The following WIZ variants were observed in gnomAD, a reference collection of about 807,000 sequenced individuals.
The protein encoded by WIZ is protein Wiz.
A neutral mutation model predicts 140.2 loss-of-function variants in WIZ; 25 were observed. That is an observed-to-expected ratio of 0.18 (90% CI 0.13 to 0.25). The LOEUF is 0.25. Ranked by LOEUF, WIZ falls within the 10% of genes least tolerant of loss-of-function variation. The pLI is 1.00. For missense variants in WIZ, 2,231 were observed against 2,632.6 expected, an observed-to-expected ratio of 0.85 and a Z score of 3.34; for synonymous variants, 1,125 against 1,154.3, an observed-to-expected ratio of 0.97 and a Z score of 0.51.
At position 15,440,422 on chromosome 19, in the gene WIZ, T is replaced by C. The variant is rs1398287199; in HGVS notation, c.572A>G (p.Asp191Gly). ...RPRFDWLQDE[D>G]EQGSPQDAGL... ...TGCGTCCTGGGGGGATCCCTGCTCG[T>C]CCTCATCTTGGAGCCAGTCGAACCT... is the stretch of plus-strand genomic sequence containing the variant. Residue 191 changes from aspartate to glycine, a missense_variant, in exon 4 of 13, where the codon GAC becomes GGC. Physicochemically the swap from Asp to Gly is moderately conservative, Grantham distance 94. This residue lies in a region of WIZ where 307 missense variants were observed against 294.1 expected (regional missense o/e 1.04). Coordinates refer to ENST00000673675, the MANE Select transcript of WIZ (RefSeq NM_001371589.1). This position sits in a 1 kb window ranked among gnomAD's most constrained non-coding sequence, Gnocchi z 6.2. 5.2e-6 allele frequency: 8 copies of C among 1,536,010 alleles called. No homozygotes were observed. In the Admixed American group the frequency reaches 1.4e-4, roughly 26 times the overall value.
At chr19:15,448,851 T>A (rs984948477) in intron 1 of WIZ, among the ~76,000 whole-genome samples, 7 of 151,994 alleles carry the variant, frequency 4.6e-5, no homozygotes, top group Non-Finnish European at 1.0e-4. Flanking sequence ...CCTTTACTTT[T>A]CTCCATTGGG....
In WIZ at chr19:15,436,992, C is replaced by T. The variant is rs1432627720; in HGVS notation, c.2554G>A (p.Val852Ile). The T allele has an allele frequency of 6.2e-7, 1 of 1,613,800 alleles. No homozygotes were observed. Among genetic ancestry groups the T allele is most frequent in the East Asian group, 2.2e-5 (1 of 44,832 alleles). The change falls in exon 5 of 13, where the codon GTC (valine) becomes ATC (isoleucine). Residue 852 changes from valine to isoleucine, a missense_variant. By Grantham distance (29) the Val-to-Ile change is conservative. This residue lies in a region of WIZ where 118 missense variants were observed against 209.1 expected (regional missense o/e 0.56). Coordinates refer to ENST00000673675, the MANE Select transcript of WIZ (RefSeq NM_001371589.1). ...DFGITNWELT[V>I]SPINILQELL... The stretch of plus-strand genomic sequence containing the variant: ...TCCTGCAGGATGTTGATGGGTGAGA[C>T]AGTGAGCTCCCAGTTGGTGATACCG...
chr19:15,445,962 T>C (rs570811099), intron 2 of WIZ, among the ~76,000 whole-genome samples: 2 of 152,072 alleles, frequency 1.3e-5, no homozygotes, highest in South Asian at 2.1e-4. Context: ...ACAAGACTAG[T>C]AGGGCAGGTG....
Position 15,439,005 on chromosome 19 carries a change from C to G in WIZ, c.1989G>C (p.Glu663Asp), listed in dbSNP as rs960999404. ...GGGTGGCCTCTACTGCCTGCAGGGCCTCTCGGAATGCCTGCTTCAGCTCCA... is the reference window on the plus strand; with the variant it reads ...GGGTGGCCTCTACTGCCTGCAGGGCGTCTCGGAATGCCTGCTTCAGCTCCA... ...AALELKQAFR[E>D]ALQAVEATQG... The change falls in exon 4 of 13, where the codon GAG (glutamate) becomes GAC (aspartate). Residue 663 changes from glutamate (E) to aspartate (D), a missense_variant. By Grantham distance (45) the Glu-to-Asp change is conservative. This residue lies in a region of WIZ where 475 missense variants were observed against 520.2 expected (regional missense o/e 0.91). Coordinates refer to ENST00000673675, the MANE Select transcript of WIZ (RefSeq NM_001371589.1). The surrounding 1 kb of genome is among the most constrained non-coding windows in gnomAD (Gnocchi z 7.0). The G allele has an allele frequency of 2.7e-6, 4 of 1,490,270 alleles. No homozygotes were observed. Among genetic ancestry groups the G allele is most frequent in the Non-Finnish European group, 2.7e-6 (3 of 1,123,492 alleles). 92.3% of individuals were successfully genotyped at this position (1,490,270 alleles called of 1,614,324 possible). A position where few individuals can be genotyped will look rare whatever the true frequency, so the allele number is the denominator to read the frequency against.
At chr19:15,444,155 A>T (rs1304718471) in intron 2 of WIZ, among the ~76,000 whole-genome samples, 1 of 152,204 alleles carries the variant, frequency 6.6e-6, no homozygotes, top group Admixed American at 6.5e-5. Context: ...AGAAAAAGGG[A>T]TAGGGCTGGG....
Position 15,422,929 on chromosome 19 carries a change from T to C in WIZ, c.*147A>G. The C allele has an allele frequency of 8.1e-7, 1 of 1,230,054 alleles. No homozygotes were observed. The highest frequency in any genetic ancestry group is 1.6e-5 in the South Asian group (1 of 62,956). The allele number at this position is 1,230,054 out of a possible 1,614,324, so 76.2% of individuals were successfully genotyped here. On this transcript the variant is annotated 3_prime_UTR_variant, in exon 13 of 13. Coordinates refer to ENST00000673675, the MANE Select transcript of WIZ (RefSeq NM_001371589.1). ...TAGCTGGCTCCCGGCGCCCTGGCTG[T>C]AGTGTGCCCGGCCCCCAAGGGGCGC... is the stretch of plus-strand genomic sequence containing the variant.
chr19:15,425,331 G>C lies in WIZ; in HGVS notation c.4804C>G (p.Leu1602Val). 6.4e-7 allele frequency: 1 copy of C among 1,569,930 alleles called. No individual in the cohort carries two copies. ...AAKRPLQEDR[L>V]LPAEVKAKTY... ...TTGGCCTTGACCTCTGCTGGGAGGAGGCGGTCCTCCTGCAGGGGCCGCTTG... is the reference window on the plus strand; with the variant it reads ...TTGGCCTTGACCTCTGCTGGGAGGACGCGGTCCTCCTGCAGGGGCCGCTTG... The change falls in exon 10 of 13, where the codon CTC becomes GTC. Residue 1602 changes from leucine to valine, a missense_variant. Transcript: ENST00000673675.
chr19:15,436,726 G>T, intron 5 of WIZ, 80 bp downstream of exon 5: 1 of 1,376,874 alleles, frequency 7.3e-7, no homozygotes, highest in Non-Finnish European at 9.5e-7. Flanking sequence ...CTGAGCGGCT[G>T]CCCCTCCAGC....
chr19:15,425,787 A>T lies in WIZ; in HGVS notation c.4367-19T>A. Reference sequence around the variant, plus strand: ...CGGGACGCTGCAGGGGATCCAGGGTAGGGGGAAGGAGGAGGAGGAGGAGGA... The same window carrying T: ...CGGGACGCTGCAGGGGATCCAGGGTTGGGGGAAGGAGGAGGAGGAGGAGGA... On this transcript the variant is annotated intron_variant, in intron 9 of 12. Transcript: ENST00000673675. 7.4e-6 allele frequency: 8 copies of T among 1,082,868 alleles called. No individual in the cohort carries two copies. The highest frequency in any genetic ancestry group is 7.1e-5 in the East Asian group (1 of 14,056). The allele number at this position is 1,082,868 out of a possible 1,614,324, so 67.1% of individuals were successfully genotyped here.
At chr19:15,444,405 A>G (rs1316913761) in intron 2 of WIZ, among the ~76,000 whole-genome samples, 1 of 152,146 alleles carries the variant, frequency 6.6e-6, no homozygotes, top group Admixed American at 6.5e-5. Context: ...AGGTGTCTCA[A>G]CATCAGCACC....
At chr19:15,435,303 G>A (rs752689731) in intron 5 of WIZ, among the ~76,000 whole-genome samples, 1 of 151,882 alleles carries the variant, frequency 6.6e-6, no homozygotes, top group Non-Finnish European at 1.5e-5. Flanking sequence ...GATTTAACAC[G>A]TTAAAATCTT....
At chr19:15,432,426 GCT>G (rs371704128) in intron 5 of WIZ, 66,222 of 984,550 alleles carry the variant, frequency 0.067, 2,405 homozygotes, top group Non-Finnish European at 0.072. Flanking sequence ...CCAAGCGCGG[GCT>G]CTTACCGGGC....
Position 15,435,197 on chromosome 19 carries a change from G to A in WIZ, c.2740+1609C>T, listed in dbSNP as rs181832022. Reference sequence around the variant, plus strand: ...GGCACCACTGCACTCCAGCCTGGGCGACAGAGTGAGACTCTGCCTCAAACC... The same window carrying A: ...GGCACCACTGCACTCCAGCCTGGGCAACAGAGTGAGACTCTGCCTCAAACC... On this transcript the variant is annotated intron_variant, in intron 5 of 12. Transcript: ENST00000673675. Among the ~76,000 whole-genome samples, 218 of 152,138 alleles carry A rather than the reference G, an allele frequency of 1.4e-3. 5 individuals carry two copies. The highest frequency in any genetic ancestry group is 4.9e-3 in the African/African-American group (205 of 41,514).
Position 15,440,367 on chromosome 19 carries a change from C to A in WIZ, c.627G>T (p.Pro209=). The A allele has an allele frequency of 6.5e-7, 1 of 1,530,904 alleles. No individual in the cohort carries two copies. The highest frequency in any genetic ancestry group is 8.7e-7 in the Non-Finnish European group (1 of 1,143,100). 94.8% of individuals were successfully genotyped at this position (1,530,904 alleles called of 1,614,324 possible). Residue 209 remains proline, a synonymous_variant, in exon 4 of 13, where the codon CCG becomes CCT. Transcript: ENST00000673675. The surrounding 1 kb of genome is among the most constrained non-coding windows in gnomAD (Gnocchi z 6.2). ...CCCTCCTGAAGGGGGCGAGGGGTGGCGGCTGGGCAGGCAGGTCCAAGTGCA... is the reference window on the plus strand; with the variant it reads ...CCCTCCTGAAGGGGGCGAGGGGTGGAGGCTGGGCAGGCAGGTCCAAGTGCA... ...AGLHLDLPAQ[P]PPLAPFRRVF...
intron 10 of WIZ, 75 bp downstream of exon 10, chr19:15,425,166 T>G (rs745684562): frequency 1.9e-6 from 3 of 1,541,744 alleles, no homozygotes; most frequent in Non-Finnish European, 2.6e-6. Flanking sequence ...GGGGTCAGTG[T>G]GCACGCTTGT....
At position 15,428,525 on chromosome 19, in the gene WIZ, CAGG is replaced by C. The variant is rs1775711952; in HGVS notation, c.3416-20_3416-18del. ...TATCTAAAGCTGCGGAGACAAAACA[CAGG>C]GGGGGTTCACGGCCGCCACCTTGGC... On this transcript the variant is annotated intron_variant, in intron 7 of 12. Coordinates refer to ENST00000673675, the MANE Select transcript of WIZ (RefSeq NM_001371589.1). This position sits in a 1 kb window ranked among gnomAD's most constrained non-coding sequence, Gnocchi z 6.4. 6.5e-7 allele frequency: 1 copy of C among 1,535,244 alleles called. No individual in the cohort carries two copies. Among genetic ancestry groups the C allele is most frequent in the Non-Finnish European group, 8.7e-7 (1 of 1,146,766 alleles).
rs1219268640 is a variant in WIZ, at chr19:15,428,144, C to A, written c.3780G>T (p.Trp1260Cys). 1 of 1,534,474 alleles carries A rather than the reference C, an allele frequency of 6.5e-7. No homozygotes were observed. Among genetic ancestry groups the A allele is most frequent in the Non-Finnish European group, 8.7e-7 (1 of 1,146,768 alleles). ...LSAAAAAGIF[W>C]ASDVEPSPLN... ...GAGGAGACGGCTCCACATCAGAGGC[C>A]CAGAAAATGCCGGCGGCTGCGGCGG... Residue 1260 changes from tryptophan (W) to cysteine (C), a missense_variant, in exon 8 of 13, where the codon TGG becomes TGT. Physicochemically the swap from Trp to Cys is radical, Grantham distance 215. Around this residue, in one of 15 missense-constraint regions of WIZ, gnomAD observed 141 missense variants for 161.2 expected, o/e 0.87. Coordinates refer to ENST00000673675, the MANE Select transcript of WIZ (RefSeq NM_001371589.1). This position sits in a 1 kb window ranked among gnomAD's most constrained non-coding sequence, Gnocchi z 6.4.
chr19:15,429,767 C>G lies in WIZ; in HGVS notation c.3234G>C (p.Ser1078=), dbSNP rs968844654. The G allele has an allele frequency of 1.9e-5, 29 of 1,508,782 alleles. No homozygotes were observed. The highest frequency in any genetic ancestry group is 2.2e-5 in the Non-Finnish European group (25 of 1,130,824). 93.5% of individuals were successfully genotyped at this position (1,508,782 alleles called of 1,614,324 possible). Residue 1078 remains serine (S), a synonymous_variant, in exon 7 of 13, where the codon TCG becomes TCC. Coordinates refer to ENST00000673675, the MANE Select transcript of WIZ (RefSeq NM_001371589.1). Reference sequence around the variant, plus strand: ...TGGGCGGGTGGCCCAGGCCCTTGGCCGAGAAGCCGGGAGGCGACTTGATGG... The same window carrying G: ...TGGGCGGGTGGCCCAGGCCCTTGGCGGAGAAGCCGGGAGGCGACTTGATGG... ...NKAIKSPPGF[S]AKGLGHPPSS...
Position 15,427,704 on chromosome 19 carries a change from C to G in WIZ, c.3815-171G>C, listed in dbSNP as rs1968937370. Among the ~76,000 whole-genome samples the G allele has an allele frequency of 6.6e-6, 1 of 152,096 alleles. No homozygotes were observed. On this transcript the variant is annotated intron_variant, in intron 8 of 12. Coordinates refer to ENST00000673675, the MANE Select transcript of WIZ (RefSeq NM_001371589.1). The surrounding 1 kb of genome is among the most constrained non-coding windows in gnomAD (Gnocchi z 6.4). Reference sequence around the variant, plus strand: ...GGAGCGGGGCTGGGGGCCAGATACCCGGCAGGAGTGAGGGGAGGCTCCAGA... The same window carrying G: ...GGAGCGGGGCTGGGGGCCAGATACCGGGCAGGAGTGAGGGGAGGCTCCAGA...
Sources: gnomAD v4.1 joint callset for allele counts (sites outside exome capture counted in the v4.1 genomes callset) on GRCh38, gnomAD v4.1.1 for gene constraint, gnomAD v4.1.1 regional missense constraint, Gnocchi (gnomAD v3.1) non-coding constraint, MANE v1.5 for transcripts, NCBI Gene and HGNC (gene_info 2026-07-23, HGNC 2026-07-21) for gene names.